ITGBL1: variants seen among roughly 807,000 people sequenced by gnomAD.
ITGBL1 encodes integrin subunit beta like 1, also known as integrin beta-like protein 1.
A neutral mutation model predicts 68.5 loss-of-function variants in ITGBL1; 51 were observed. The observed-to-expected ratio is 0.74, with a 90% CI of 0.59 to 0.94. The LOEUF is 0.94. ITGBL1 is among the 40% of genes least tolerant of loss of function. The pLI is 0.00. For missense variants in ITGBL1, 649 were observed against 647.4 expected, an observed-to-expected ratio of 1.00 and a Z score of -0.03; for synonymous variants, 209 against 227.3, an observed-to-expected ratio of 0.92 and a Z score of 0.72.
intron 7 of ITGBL1, among the ~76,000 whole-genome samples, chr13:101,632,230 A>G (rs2032008700): frequency 6.6e-6 from 1 of 152,130 alleles, no homozygotes; most frequent in Admixed American, 6.6e-5. Flanking sequence ...AAGGTAAACA[A>G]CCCAACTACA....
intron 2 of ITGBL1, among the ~76,000 whole-genome samples, chr13:101,560,626 A>G (rs1031699127): frequency 6.6e-6 from 1 of 152,254 alleles, no homozygotes; most frequent in Non-Finnish European, 1.5e-5. Flanking sequence ...TAAATAATTT[A>G]TATATGAACA....
At chr13:101,502,161 TTAAG>T (rs2048953802) in intron 2 of ITGBL1, among the ~76,000 whole-genome samples, 1 of 152,220 alleles carries the variant, frequency 6.6e-6, no homozygotes, top group African/African-American at 2.4e-5. Flanking sequence ...AGCTTAAACC[TTAAG>T]TCTTTAATTT....
In ITGBL1 at chr13:101,715,696, C is replaced by T. The variant is rs779831497; in HGVS notation, c.*42C>T. ...GTCTGGATTCTTATTTTTTCTGGGC[C>T]ATTAGAACAGATAAATGCGAAGGAA... On this transcript the variant is annotated 3_prime_UTR_variant, in exon 11 of 11. Transcript: ENST00000376180. 1 of 1,307,026 alleles carries T rather than the reference C, an allele frequency of 7.7e-7. No homozygotes were observed. Among genetic ancestry groups the T allele is most frequent in the Non-Finnish European group, 1.1e-6 (1 of 900,018 alleles). 81.0% of individuals were successfully genotyped at this position (1,307,026 alleles called of 1,614,324 possible). A position where few individuals can be genotyped will look rare whatever the true frequency, so the allele number is the denominator to read the frequency against.
At chr13:101,491,755 C>T (rs1318370133) in intron 2 of ITGBL1, among the ~76,000 whole-genome samples, 1 of 152,144 alleles carries the variant, frequency 6.6e-6, no homozygotes, top group Non-Finnish European at 1.5e-5. Flanking sequence ...AGGTATTTCT[C>T]CTAATGCTAT....
At chr13:101,669,917 CCTT>C (rs1203560772) in intron 7 of ITGBL1, among the ~76,000 whole-genome samples, 3 of 152,184 alleles carry the variant, frequency 2.0e-5, no homozygotes, top group African/African-American at 4.8e-5. Context: ...AGCTCTTCCT[CCTT>C]CTCTTCCTGC....
intron 2 of ITGBL1, among the ~76,000 whole-genome samples, chr13:101,482,011 T>G (rs2048632280): frequency 6.6e-6 from 1 of 152,068 alleles, no homozygotes; most frequent in Non-Finnish European, 1.5e-5. Flanking sequence ...GGGCAGTTGT[T>G]CATGAAATGA....
At chr13:101,506,743 A>G (rs557670019) in intron 2 of ITGBL1, among the ~76,000 whole-genome samples, 2 of 152,272 alleles carry the variant, frequency 1.3e-5, no homozygotes, top group African/African-American at 4.8e-5. Flanking sequence ...CTTGCATTTT[A>G]TTTTTTATTT....
intron 7 of ITGBL1, among the ~76,000 whole-genome samples, chr13:101,646,422 T>TAA (rs34950967): frequency 1.3e-5 from 2 of 151,912 alleles, no homozygotes; most frequent in African/African-American, 4.8e-5. Context: ...ACCCAAAGGT[T>TAA]AAAAAAAAGT....
At chr13:101,602,021 T>C (rs2030415982) in intron 7 of ITGBL1, among the ~76,000 whole-genome samples, 1 of 152,028 alleles carries the variant, frequency 6.6e-6, no homozygotes, top group South Asian at 2.1e-4. Context: ...TCTTTCTCTC[T>C]TTATATATAT....
At chr13:101,697,224 C>T (rs2034022689) in intron 8 of ITGBL1, among the ~76,000 whole-genome samples, 1 of 150,990 alleles carries the variant, frequency 6.6e-6, no homozygotes, top group South Asian at 2.1e-4. Flanking sequence ...GGTGTTTTTG[C>T]TTTCAAAATT....
At chr13:101,520,174 C>A (rs1225315326) in intron 2 of ITGBL1, among the ~76,000 whole-genome samples, 1 of 151,928 alleles carries the variant, frequency 6.6e-6, no homozygotes, top group Non-Finnish European at 1.5e-5. Context: ...TATCATAGTT[C>A]CCATAAAAAA....
At chr13:101,594,677 A>G (rs2050713104) in intron 6 of ITGBL1, among the ~76,000 whole-genome samples, 2 of 152,216 alleles carry the variant, frequency 1.3e-5, no homozygotes, top group Admixed American at 6.5e-5. Context: ...TTTGCAAACC[A>G]TATATCCAAT....
chr13:101,670,909 G>A (rs2033342046), intron 7 of ITGBL1, among the ~76,000 whole-genome samples: 1 of 152,116 alleles, frequency 6.6e-6, no homozygotes, highest in Admixed American at 6.5e-5. Context: ...GAAGTCTGAT[G>A]GCTCTGGTTG....
At chr13:101,514,207 G>C (rs952837963) in intron 2 of ITGBL1, among the ~76,000 whole-genome samples, 1 of 152,042 alleles carries the variant, frequency 6.6e-6, no homozygotes, top group African/African-American at 2.4e-5. Context: ...GTTGGCTGGT[G>C]TATGCTAATT....
chr13:101,458,175 A>C (rs1012510489), intron 2 of ITGBL1, among the ~76,000 whole-genome samples: 3 of 152,208 alleles, frequency 2.0e-5, no homozygotes, highest in African/African-American at 7.2e-5. Context: ...GTAATGCAAA[A>C]TATCATCTGT....
chr13:101,523,062 A>G (rs2049312653), intron 2 of ITGBL1, among the ~76,000 whole-genome samples: 1 of 152,236 alleles, frequency 6.6e-6, no homozygotes, highest in Non-Finnish European at 1.5e-5. Context: ...ACAAATGGAA[A>G]TAATGCTGCT....
intron 2 of ITGBL1, among the ~76,000 whole-genome samples, chr13:101,543,272 G>T (rs1410166196): frequency 3.3e-5 from 5 of 152,116 alleles, no homozygotes; most frequent in African/African-American, 1.2e-4. Flanking sequence ...AAATCTCTCA[G>T]CATTTGCTTG....
chr13:101,629,674 T>C (rs1354659516), intron 7 of ITGBL1, among the ~76,000 whole-genome samples: 1 of 152,168 alleles, frequency 6.6e-6, no homozygotes, highest in African/African-American at 2.4e-5. Flanking sequence ...TTTATAGTGC[T>C]TCTGTTTTAA....
At position 101,485,933 on chromosome 13, in the gene ITGBL1, G is replaced by A. The variant is rs373441244; in HGVS notation, c.316+31833G>A. 1.2e-4 allele frequency among the ~76,000 whole-genome samples: 18 copies of A among 152,162 alleles called. No individual in the cohort carries two copies. The East Asian group carries it at 1.4e-3, about 11-fold the overall frequency. On this transcript the variant is annotated intron_variant, in intron 2 of 10. Coordinates refer to ENST00000376180, the MANE Select transcript of ITGBL1 (RefSeq NM_004791.3). Reference sequence around the variant, plus strand: ...TGTAATACAACCAGTATGGAAAACAGTGTGGAGATTTCTTAAAAAACTAAA... The same window carrying A: ...TGTAATACAACCAGTATGGAAAACAATGTGGAGATTTCTTAAAAAACTAAA...
Sources: gnomAD v4.1 joint callset for allele counts (sites outside exome capture counted in the v4.1 genomes callset) on GRCh38, gnomAD v4.1.1 for gene constraint, MANE v1.5 for transcripts, NCBI Gene and HGNC (gene_info 2026-07-23, HGNC 2026-07-21) for gene names.